NALCN: variants seen among roughly 807,000 people sequenced by gnomAD.
NALCN encodes the protein sodium leak channel, non-selective.
In NALCN, 111 loss-of-function variants were observed where a neutral mutation model predicts 225.3. That is an observed-to-expected ratio of 0.49 (90% CI 0.42 to 0.58). The LOEUF (loss-of-function observed/expected upper bound fraction) is 0.58, where lower values mean the gene tolerates loss of function less well. Among genes scored for constraint, NALCN ranks in the 20% least tolerant of loss-of-function variants. The probability of loss-of-function intolerance (pLI) is 0.00; values close to 1 mark genes in which losing one functional copy is unlikely to be tolerated. For missense variants in NALCN, 1,378 were observed against 2,202.4 expected, an observed-to-expected ratio of 0.63 and a Z score of 7.49; for synonymous variants, 764 against 769.0, an observed-to-expected ratio of 0.99 and a Z score of 0.11.
intron 6 of NALCN, among the ~76,000 whole-genome samples, chr13:101,361,842 T>A (rs1476010276): frequency 6.6e-6 from 1 of 152,100 alleles, no homozygotes; most frequent in African/African-American, 2.4e-5. Context: ...AAAAGATGGA[T>A]CAAAATAAGT....
chr13:101,387,840 G>A (rs2047039118), intron 3 of NALCN, among the ~76,000 whole-genome samples: 1 of 152,108 alleles, frequency 6.6e-6, no homozygotes, highest in Admixed American at 6.5e-5. Context: ...AATTTCTCAT[G>A]TAAGTATAAA....
intron 10 of NALCN, among the ~76,000 whole-genome samples, chr13:101,274,977 C>G (rs557590692): frequency 5.0e-4 from 76 of 152,174 alleles, no homozygotes; most frequent in African/African-American, 1.8e-3. Context: ...TGGGGCAAGG[C>G]TTTCAGAGAG....
chr13:101,390,428 G>T (rs1445047209), intron 3 of NALCN, among the ~76,000 whole-genome samples: 1 of 151,810 alleles, frequency 6.6e-6, no homozygotes, highest in East Asian at 1.9e-4. Context: ...AAAACAGAGG[G>T]AAATACATGG....
chr13:101,332,416 A>AAAAAAAAAG (rs1566585402), intron 7 of NALCN, among the ~76,000 whole-genome samples: 1 of 149,140 alleles, frequency 6.7e-6, no homozygotes, highest in African/African-American at 2.5e-5. Context: ...AAAAAAAAAA[A>AAAAAAAAAG]AAAAGGAAAG....
chr13:101,232,345 C>A (rs1318134255), intron 12 of NALCN, among the ~76,000 whole-genome samples: 1 of 152,036 alleles, frequency 6.6e-6, no homozygotes. Flanking sequence ...TTCCTTCATG[C>A]TAATTTGCAA....
intron 34 of NALCN, among the ~76,000 whole-genome samples, chr13:101,078,482 G>A (rs2033405887): frequency 6.6e-6 from 1 of 152,212 alleles, no homozygotes; most frequent in Non-Finnish European, 1.5e-5. Context: ...CAGAGTCAAA[G>A]GAGATTATTT....
intron 28 of NALCN, among the ~76,000 whole-genome samples, chr13:101,091,042 A>G (rs1465880865): frequency 6.6e-6 from 1 of 152,082 alleles, no homozygotes. Flanking sequence ...ACTAGATTGC[A>G]TCTTCTTTAA....
chr13:101,103,962 C>G (rs1042218714), intron 25 of NALCN, among the ~76,000 whole-genome samples: 8 of 146,242 alleles, frequency 5.5e-5, no homozygotes, highest in African/African-American at 2.0e-4. Context: ...ATGAGGCAAA[C>G]TTTTTTTTTT....
At chr13:101,289,739 T>A (rs903002671) in intron 9 of NALCN, among the ~76,000 whole-genome samples, 5 of 152,192 alleles carry the variant, frequency 3.3e-5, no homozygotes, top group Non-Finnish European at 7.3e-5. Context: ...ATTATAATAA[T>A]CATCTTTATT....
chr13:101,081,675 C>G (rs746657730), intron 33 of NALCN, 29 bp from the exon 34 acceptor site: 9 of 1,612,920 alleles, frequency 5.6e-6, no homozygotes, highest in African/African-American at 4.0e-5. Flanking sequence ...AGAAAATAAA[C>G]AGAGAGAGTG....
At chr13:101,325,693 C>T (rs184264466) in intron 7 of NALCN, among the ~76,000 whole-genome samples, 136 of 152,298 alleles carry the variant, frequency 8.9e-4, no homozygotes, top group Non-Finnish European at 1.5e-3. Flanking sequence ...TAGTCACAGA[C>T]AGCTGCAAGC....
At chr13:101,275,800 C>T (rs1331325209) in intron 10 of NALCN, among the ~76,000 whole-genome samples, 1 of 152,074 alleles carries the variant, frequency 6.6e-6, no homozygotes. Context: ...CACGAGTCAT[C>T]TTGTCCCCAC....
At chr13:101,208,395 A>G (rs1211029647) in intron 13 of NALCN, among the ~76,000 whole-genome samples, 1 of 152,154 alleles carries the variant, frequency 6.6e-6, no homozygotes, top group East Asian at 1.9e-4. Context: ...GAACTGTAAC[A>G]CTCACCGCAA....
rs143796801 is a variant in NALCN at position 101,229,525 on chromosome 13, C to T, written c.1494G>A (p.Lys498=). The T allele has an allele frequency of 5.0e-6, 8 of 1,611,488 alleles. No individual in the cohort carries two copies. The African/African-American group carries it at 8.0e-5, about 16-fold the overall frequency. ...ISPALEDFVY[K]IFGPGKKLGS... is the part of the protein sequence containing the mutation. ...CAAGCTTTTTTCCAGGACCAAATAT[C>T]TTGTACACAAAGTCTTCTAATGCAG... The change falls in exon 13 of 44, where the codon AAG becomes AAA. Residue 498 remains lysine, a synonymous_variant. Coordinates refer to ENST00000251127, the MANE Select transcript of NALCN (RefSeq NM_052867.4).
chr13:101,137,814 C>T (rs764678046), intron 17 of NALCN, among the ~76,000 whole-genome samples: 1 of 152,154 alleles, frequency 6.6e-6, no homozygotes, highest in African/African-American at 2.4e-5. Context: ...GTAACAGTAA[C>T]CTTTCTTGTC....
intron 7 of NALCN, among the ~76,000 whole-genome samples, chr13:101,340,990 A>G (rs955658652): frequency 3.9e-5 from 6 of 152,178 alleles, no homozygotes; most frequent in African/African-American, 1.4e-4. Flanking sequence ...ACAAGTATGC[A>G]CATATCTCTA....
intron 30 of NALCN, among the ~76,000 whole-genome samples, chr13:101,084,930 A>G (rs898547346): frequency 6.6e-6 from 1 of 152,222 alleles, no homozygotes; most frequent in African/African-American, 2.4e-5. Context: ...CCAGCAATAC[A>G]CAGGTGTTAC....
At chr13:101,259,386 T>G (rs959366407) in intron 10 of NALCN, among the ~76,000 whole-genome samples, 2 of 151,968 alleles carry the variant, frequency 1.3e-5, no homozygotes, top group Non-Finnish European at 2.9e-5. Context: ...CAGGCTAGAG[T>G]GCAGTGGCGT....
In NALCN at chr13:101,055,082, CATT is replaced by C. The variant is rs780067740; in HGVS notation, c.*210_*212del. The C allele has an allele frequency of 1.8e-6, 1 of 554,152 alleles. No individual in the cohort carries two copies. The highest frequency in any genetic ancestry group is 3.2e-6 in the Non-Finnish European group (1 of 313,380). The allele number at this position is 554,152 out of a possible 1,614,324, so 34.3% of individuals were successfully genotyped here. On this transcript the variant is annotated 3_prime_UTR_variant, in exon 44 of 44. Coordinates refer to ENST00000251127, the MANE Select transcript of NALCN (RefSeq NM_052867.4). ...TCATTTCTAATATTATCAGTACTGTCATTATACAAAAATTTTTTTGAGCAATGA... is the reference window on the plus strand; with the variant it reads ...TCATTTCTAATATTATCAGTACTGTCATACAAAAATTTTTTTGAGCAATGA...
Sources: allele counts gnomAD v4.1 joint callset (sites outside exome capture counted in the v4.1 genomes callset), GRCh38; gene constraint gnomAD v4.1.1; transcripts MANE v1.5; gene names NCBI Gene and HGNC (gene_info 2026-07-23, HGNC 2026-07-21).